The following CCDC63 variants were observed in gnomAD, a reference collection of about 807,000 sequenced individuals.
CCDC63 encodes the protein coiled-coil domain containing 63, also known as coiled-coil domain-containing protein 63.
In CCDC63, 54 loss-of-function variants were observed where a neutral mutation model predicts 63.6. The ratio of observed to expected loss-of-function variants is 0.85; its 90% confidence interval spans 0.68 to 1.07. CCDC63 has a LOEUF of 1.07. Ranked by LOEUF, CCDC63 falls within the 50% of genes least tolerant of loss-of-function variation. The pLI is 0.00. For missense variants in CCDC63, 637 were observed against 689.6 expected (o/e 0.92, Z 0.86); for synonymous variants, 253 against 266.1 (o/e 0.95, Z 0.48).
At chr12:110,867,493 A>C (rs1196110751) in intron 4 of CCDC63, among the ~76,000 whole-genome samples, 1 of 70,968 alleles carries the variant, frequency 1.4e-5, no homozygotes, top group Non-Finnish European at 2.6e-5. Flanking sequence ...GGCGCCCCTC[A>C]CCTCCGGGAT....
chr12:110,867,157 G>A (rs1407765324), intron 4 of CCDC63, among the ~76,000 whole-genome samples: 2 of 139,932 alleles, frequency 1.4e-5, no homozygotes, highest in Non-Finnish European at 3.1e-5. Flanking sequence ...CGGAGGGGGC[G>A]GCTGGCCGGG....
At chr12:110,898,856 C>A in intron 9 of CCDC63, 77 bp from the exon 10 acceptor site, 2 of 1,235,300 alleles carry the variant, frequency 1.6e-6, no homozygotes, top group Non-Finnish European at 2.2e-6. Flanking sequence ...GTTTGGAGAC[C>A]CTGACCCCAG....
At chr12:110,846,517 TC>T (rs202164177), upstream of CCDC63, among the ~76,000 whole-genome samples, 17 of 150,548 alleles carry the variant, frequency 1.1e-4, no homozygotes, top group South Asian at 2.1e-4. Flanking sequence ...AATATCTCTT[TC>T]CCCCCCCGCC....
rs148355971 is a variant in CCDC63, at chr12:110,852,717, G to A, written c.-96-142G>A. On this transcript the variant is annotated intron_variant, in intron 1 of 11. Coordinates refer to ENST00000308208, the MANE Select transcript of CCDC63 (RefSeq NM_152591.3). ...CAAATAAGTGCCTTTTGTCACACCC[G>A]GGCAGCCATCTGGGTATCCTCCTCA... 1.4e-4 allele frequency: 84 copies of A among 619,778 alleles called. No individual in the cohort carries two copies. Among genetic ancestry groups the A allele is most frequent in the African/African-American group, 1.3e-3 (72 of 54,764 alleles). The allele number at this position is 619,778 out of a possible 1,614,324, so 38.4% of individuals were successfully genotyped here. A position where few individuals can be genotyped will look rare whatever the true frequency, so the allele number is the denominator to read the frequency against.
At chr12:110,890,138 C>G (rs1438484227) in intron 8 of CCDC63, among the ~76,000 whole-genome samples, 12 of 151,932 alleles carry the variant, frequency 7.9e-5, no homozygotes, top group Non-Finnish European at 1.5e-5. Flanking sequence ...ACAAAAAATA[C>G]AAGACACAAA....
chr12:110,849,174 C>T (rs189459468), intron 1 of CCDC63, among the ~76,000 whole-genome samples: 1 of 152,318 alleles, frequency 6.6e-6, no homozygotes, highest in African/African-American at 2.4e-5. Flanking sequence ...ACCTGAGAAC[C>T]ATTTTCAAGG....
At chr12:110,858,562 A>G in intron 3 of CCDC63, 24 bp from the exon 4 acceptor site, 1 of 1,594,092 alleles carries the variant, frequency 6.3e-7, no homozygotes, top group South Asian at 1.1e-5. Flanking sequence ...GTTTGGGGTT[A>G]ATCATGGGCT....
At chr12:110,857,967 A>C (rs552418646) in intron 3 of CCDC63, among the ~76,000 whole-genome samples, 18 of 152,080 alleles carry the variant, frequency 1.2e-4, no homozygotes, top group African/African-American at 3.6e-4. Flanking sequence ...GTAACTGGGC[A>C]TGGTGGCTTG....
intron 4 of CCDC63, among the ~76,000 whole-genome samples, chr12:110,862,094 T>C (rs2070861465): frequency 1.3e-5 from 2 of 152,076 alleles, no homozygotes; most frequent in South Asian, 4.1e-4. Flanking sequence ...AGGTGTTTAA[T>C]AAACACTGGT....
At position 110,847,048 on chromosome 12, in the gene CCDC63, C is replaced by T. The variant is rs964374649; in HGVS notation, c.-154C>T. ...GGCACCGTCGGAAGCGCAGTTGCAG[C>T]AGCCGTCGGACAAGCGGCCGGAGCA... On this transcript the variant is annotated 5_prime_UTR_variant, in exon 1 of 12. Coordinates refer to ENST00000308208, the MANE Select transcript of CCDC63 (RefSeq NM_152591.3). 9 of 152,166 alleles carry T rather than the reference C, an allele frequency of 5.9e-5. No individual in the cohort carries two copies. The highest frequency in any genetic ancestry group is 1.2e-4 in the Non-Finnish European group (8 of 68,018). The allele number at this position is 152,166 out of a possible 1,614,324, so 9.4% of individuals were successfully genotyped here.
intron 4 of CCDC63, among the ~76,000 whole-genome samples, chr12:110,870,681 C>A (rs1465062864): frequency 6.6e-6 from 1 of 152,200 alleles, no homozygotes; most frequent in African/African-American, 2.4e-5. Context: ...CCTTCAGTCA[C>A]ATCCCCCATT....
At chr12:110,899,566 C>T (rs1343729674) in intron 10 of CCDC63, among the ~76,000 whole-genome samples, 2 of 152,064 alleles carry the variant, frequency 1.3e-5, no homozygotes, top group African/African-American at 4.8e-5. Context: ...GTGATCCGCC[C>T]TCCTTGGCCT....
At chr12:110,869,070 C>T (rs965960971) in intron 4 of CCDC63, among the ~76,000 whole-genome samples, 1 of 152,038 alleles carries the variant, frequency 6.6e-6, no homozygotes, top group Non-Finnish European at 1.5e-5. Context: ...TTGGGGATAA[C>T]CAAAGGGAAT....
intron 4 of CCDC63, among the ~76,000 whole-genome samples, chr12:110,867,708 C>T (rs1221161392): frequency 8.5e-6 from 1 of 118,154 alleles, no homozygotes; most frequent in African/African-American, 3.4e-5. Flanking sequence ...GAGGGCTGAC[C>T]CCCCCACCTC....
At chr12:110,867,389 C>T (rs1240123346) in intron 4 of CCDC63, among the ~76,000 whole-genome samples, 2 of 124,676 alleles carry the variant, frequency 1.6e-5, no homozygotes, top group East Asian at 2.6e-4. Flanking sequence ...GGCGGCTGGC[C>T]GGGCGGGGGG....
chr12:110,858,023 T>G (rs1363710996), intron 3 of CCDC63, among the ~76,000 whole-genome samples: 1 of 151,844 alleles, frequency 6.6e-6, no homozygotes, highest in East Asian at 1.9e-4. Flanking sequence ...GGAGAATCGC[T>G]TGAACCTGGA....
intron 10 of CCDC63, among the ~76,000 whole-genome samples, chr12:110,903,147 G>A (rs1482140507): frequency 1.3e-5 from 2 of 152,142 alleles, no homozygotes; most frequent in African/African-American, 4.8e-5. Flanking sequence ...AGAGTGCTGG[G>A]ATTACAGGTG....
intron 1 of CCDC63, among the ~76,000 whole-genome samples, chr12:110,852,385 G>A (rs1436496409): frequency 1.3e-5 from 2 of 152,020 alleles, no homozygotes; most frequent in Non-Finnish European, 2.9e-5. Flanking sequence ...TCAGCCTCCT[G>A]AGTAACTGGG....
chr12:110,852,839 C>A lies in CCDC63; in HGVS notation c.-96-20C>A. The A allele has an allele frequency of 6.4e-7, 1 of 1,555,646 alleles. No homozygotes were observed. ...GCAGGGGTGGCTTACAAGTTCTCTTCCTTTTGCCACCATGAACAGGGCATT... is the reference window on the plus strand; with the variant it reads ...GCAGGGGTGGCTTACAAGTTCTCTTACTTTTGCCACCATGAACAGGGCATT... On this transcript the variant is annotated intron_variant, in intron 1 of 11. Transcript: ENST00000308208.
Sources: allele counts gnomAD v4.1 joint callset (sites outside exome capture counted in the v4.1 genomes callset), GRCh38; gene constraint gnomAD v4.1.1; transcripts MANE v1.5; gene names NCBI Gene and HGNC (gene_info 2026-07-23, HGNC 2026-07-21).